IGFL2: variants seen among roughly 807,000 people sequenced by gnomAD.
The protein encoded by IGFL2 is insulin growth factor-like family member 2.
Under a neutral mutation model 13.9 loss-of-function variants are expected in IGFL2, and 7 were observed. That is an observed-to-expected ratio of 0.51 (90% CI 0.29 to 0.95). The LOEUF (loss-of-function observed/expected upper bound fraction) is 0.95. IGFL2 is among the 40% of genes least tolerant of loss of function. IGFL2 has a pLI of 0.08. For synonymous variants in IGFL2, 55 were observed against 55.8 expected, an observed-to-expected ratio of 0.99 and a Z score of 0.07; for missense variants, 138 against 147.8, an observed-to-expected ratio of 0.93 and a Z score of 0.34.
rs768630593 is a variant in IGFL2 at position 46,160,596 on chromosome 19, G to A, written c.74-18G>A. On this transcript the variant is annotated intron_variant, in intron 2 of 3. Transcript: ENST00000377693. ...TTATCCTTGAGCTCACACCAACAAT[G>A]TCTGTCCATCTGTCCAGCTCCCGCT... is the stretch of plus-strand genomic sequence containing the variant. 1.2e-6 allele frequency: 2 copies of A among 1,613,768 alleles called. No individual in the cohort carries two copies. Among genetic ancestry groups the A allele is most frequent in the Admixed American group, 1.7e-5 (1 of 60,010 alleles).
the IGFL2 span, among the ~76,000 whole-genome samples, chr19:46,135,658 T>A: frequency 1.3e-5 from 2 of 152,186 alleles, no homozygotes; most frequent in African/African-American, 4.8e-5. Flanking sequence ...TCCATTCCAG[T>A]CTTCTGTGGC....
rs539407160 is a variant in IGFL2 at position 46,152,680 on chromosome 19, C to T, written c.19+4383C>T. On this transcript the variant is annotated intron_variant, in intron 1 of 3. Transcript: ENST00000377693. ...AAATTCATTTTATCTTCTTGCCTAA[C>T]TTTCATGGCTTGAACCGCCAATGCT... is the stretch of plus-strand genomic sequence containing the variant. Among the ~76,000 whole-genome samples, 8 of 152,306 alleles carry T rather than the reference C, an allele frequency of 5.3e-5. No homozygotes were observed. In the South Asian group the frequency reaches 1.5e-3, roughly 28 times the overall value.
chr19:46,117,226 A>G, the IGFL2 span, among the ~76,000 whole-genome samples: 1 of 151,970 alleles, frequency 6.6e-6, no homozygotes, highest in Non-Finnish European at 1.5e-5. Context: ...AGTTAGGAAG[A>G]TTTCTCTCTT....
chr19:46,127,653 GTAGA>G, the IGFL2 span, among the ~76,000 whole-genome samples: 309 of 152,228 alleles, frequency 2.0e-3, no homozygotes, highest in African/African-American at 7.0e-3. Context: ...AGGTAGGTAG[GTAGA>G]TAGATAGATG....
upstream of IGFL2, among the ~76,000 whole-genome samples, chr19:46,139,361 C>T (rs550936760): frequency 5.4e-5 from 8 of 148,840 alleles, no homozygotes; most frequent in Admixed American, 1.3e-4. Flanking sequence ...TTTTTAAAAA[C>T]GAAATCATTC....
the IGFL2 span, chr19:46,124,379 AAAC>A: frequency 9.7e-6 from 14 of 1,450,600 alleles, no homozygotes; most frequent in South Asian, 1.2e-4. Flanking sequence ...AGTATGGAAA[AAAC>A]AAACAAACAA....
the IGFL2 span, among the ~76,000 whole-genome samples, chr19:46,079,138 C>T: frequency 1.3e-5 from 2 of 152,164 alleles, no homozygotes; most frequent in Non-Finnish European, 2.9e-5. Flanking sequence ...CGTCAGTAGA[C>T]ATCGCGCAGG....
the IGFL2 span, chr19:46,120,033 C>G: frequency 6.9e-6 from 3 of 432,168 alleles, no homozygotes; most frequent in Non-Finnish European, 1.3e-5. Context: ...AGCTCCTGCT[C>G]AGTGTCCAGG....
chr19:46,126,337 T>A, the IGFL2 span, among the ~76,000 whole-genome samples: 4,639 of 152,270 alleles, frequency 0.03, 208 homozygotes, highest in African/African-American at 0.1. Context: ...ACCAACAGCA[T>A]TGGTCATGCA....
the IGFL2 span, among the ~76,000 whole-genome samples, chr19:46,185,008 G>A: frequency 2.0e-5 from 3 of 152,188 alleles, no homozygotes; most frequent in African/African-American, 4.8e-5. Context: ...GTGATGATGA[G>A]CATTTTTCCA....
chr19:46,211,582 TTTCACATTCCG>T, the IGFL2 span: 2 of 151,342 alleles, frequency 1.3e-5, no homozygotes, highest in Admixed American at 1.3e-4. Context: ...TCCTCCGGGG[TTTCACATTCCG>T]GGTTTCACAT....
At chr19:46,088,008 G>A in the IGFL2 span, among the ~76,000 whole-genome samples, 6 of 152,212 alleles carry the variant, frequency 3.9e-5, no homozygotes, top group African/African-American at 1.4e-4. Flanking sequence ...CAGGACCTGT[G>A]AGGGCTGAGG....
the IGFL2 span, among the ~76,000 whole-genome samples, chr19:46,098,478 CTT>C: frequency 1.1e-4 from 14 of 128,354 alleles, no homozygotes; most frequent in Non-Finnish European, 8.2e-5. Context: ...CAATCTGTGT[CTT>C]TTTTTTTTTT....
the IGFL2 span, among the ~76,000 whole-genome samples, chr19:46,085,937 C>A: frequency 2.0e-5 from 3 of 152,126 alleles, no homozygotes; most frequent in African/African-American, 7.2e-5. Context: ...TCTGGGACAC[C>A]AACAATTCAA....
chr19:46,136,856 A>G, the IGFL2 span: 1 of 724,170 alleles, frequency 1.4e-6, no homozygotes. Flanking sequence ...GAGTAGGGGG[A>G]GGAGTGTTGA....
At chr19:46,186,872 G>C in the IGFL2 span, among the ~76,000 whole-genome samples, 1 of 152,186 alleles carries the variant, frequency 6.6e-6, no homozygotes, top group Non-Finnish European at 1.5e-5. Context: ...CAAGATGCCT[G>C]CTCTCTTAAC....
At chr19:46,194,293 G>A in the IGFL2 span, among the ~76,000 whole-genome samples, 1 of 152,100 alleles carries the variant, frequency 6.6e-6, no homozygotes, top group Non-Finnish European at 1.5e-5. Context: ...CGGTCTGCAA[G>A]GGCCTCTCTC....
downstream of IGFL2, among the ~76,000 whole-genome samples, chr19:46,162,643 C>A (rs1974218430): frequency 6.6e-6 from 1 of 152,198 alleles, no homozygotes. Flanking sequence ...TCAGCTCTGC[C>A]AGACCTGTTA....
chr19:46,193,045 A>G, the IGFL2 span, among the ~76,000 whole-genome samples: 1 of 152,026 alleles, frequency 6.6e-6, no homozygotes, highest in Non-Finnish European at 1.5e-5. Flanking sequence ...TACAAAAATT[A>G]GCCGGGTGCT....
Sources: gnomAD v4.1 joint callset for allele counts (sites outside exome capture counted in the v4.1 genomes callset) on GRCh38, gnomAD v4.1.1 for gene constraint, MANE v1.5 for transcripts, NCBI Gene and HGNC (gene_info 2026-07-23, HGNC 2026-07-21) for gene names.